RBM45: variants seen among roughly 807,000 people sequenced by gnomAD.
RBM45 encodes the protein RNA-binding protein 45.
RBM45 carries 39 observed loss-of-function variants against 58.5 expected under a neutral mutation model. The ratio of observed to expected loss-of-function variants is 0.67; its 90% CI spans 0.52 to 0.87. RBM45 has a LOEUF of 0.87. Ranked by LOEUF, RBM45 falls within the 40% of genes least tolerant of loss-of-function variation. RBM45 has a pLI of 0.00. For missense variants in RBM45, 481 were observed against 581.6 expected, an observed-to-expected ratio of 0.83 and a Z score of 1.78; for synonymous variants, 193 against 203.0, an observed-to-expected ratio of 0.95 and a Z score of 0.42.
rs1427473260 is a variant in RBM45, at chr2:178,120,347, A to G, written c.611A>G (p.Tyr204Cys). 5 of 1,613,252 alleles carry G rather than the reference A, an allele frequency of 3.1e-6. No individual in the cohort carries two copies. In the East Asian group the frequency reaches 1.1e-4, roughly 36 times the overall value. The change falls in exon 4 of 10, where the codon TAT becomes TGT. Residue 204 changes from tyrosine to cysteine, a missense_variant. Coordinates refer to ENST00000286070, the MANE Select transcript of RBM45 (RefSeq NM_152945.4). ...GCATCTGAATCCTCTGAACAAGATTATTATAGTAATATGAGGCAAGAAGCT... is the reference window on the plus strand; with the variant it reads ...GCATCTGAATCCTCTGAACAAGATTGTTATAGTAATATGAGGCAAGAAGCT... ...NKASESSEQD[Y>C]YSNMRQEALG...
intron 8 of RBM45, among the ~76,000 whole-genome samples, chr2:178,125,419 G>C (rs2087915705): frequency 6.6e-6 from 1 of 152,188 alleles, no homozygotes; most frequent in Non-Finnish European, 1.5e-5. Flanking sequence ...GAGAAGCCTT[G>C]AAAGAAGGAA....
At chr2:178,136,415 T>G (rs2088045788) in intron 3 of RBM45, 1 of 152,264 alleles carries the variant, frequency 6.6e-6, no homozygotes, top group Non-Finnish European at 1.5e-5. Context: ...TTGAGACAGC[T>G]ATTGAGAGTC....
At chr2:178,126,434 A>G (rs2087930361) in intron 9 of RBM45, among the ~76,000 whole-genome samples, 1 of 152,200 alleles carries the variant, frequency 6.6e-6, no homozygotes, top group Non-Finnish European at 1.5e-5. Flanking sequence ...TTCGATTTTA[A>G]GAATTCAACT....
At chr2:178,129,687 G>A (rs1471365736), downstream of RBM45, 3 of 152,542 alleles carry the variant, frequency 2.0e-5, no homozygotes, top group East Asian at 1.9e-4. Flanking sequence ...AGACAAGAAC[G>A]GAAAAATTTA....
chr2:178,132,200 G>A (rs1420824992), downstream of RBM45, among the ~76,000 whole-genome samples: 2 of 152,156 alleles, frequency 1.3e-5, no homozygotes, highest in Non-Finnish European at 2.9e-5. Flanking sequence ...GTAGATTACT[G>A]AAAGCAACTG....
At chr2:178,121,972 C>T (rs1364516238) in intron 5 of RBM45, among the ~76,000 whole-genome samples, 1 of 152,158 alleles carries the variant, frequency 6.6e-6, no homozygotes, top group East Asian at 1.9e-4. Context: ...TTTATTAAGG[C>T]TCTTTGTTAA....
At position 178,120,278 on chromosome 2, in the gene RBM45, T is replaced by A. The variant is rs370679752; in HGVS notation, c.551-9T>A. On this transcript the variant is annotated splice_polypyrimidine_tract_variant and intron_variant, in intron 3 of 9. Coordinates refer to ENST00000286070, the MANE Select transcript of RBM45 (RefSeq NM_152945.4). ...GCTGTGAAACTTGAAATTCATGGGG[T>A]TTTTTCAGGTTTTAGAGCAATCTTG... 66 of 1,611,584 alleles carry A rather than the reference T, an allele frequency of 4.1e-5. No individual in the cohort carries two copies. The African/African-American group carries it at 7.8e-4, about 19-fold the overall frequency.
At chr2:178,126,609 A>G (rs1350437215) in intron 9 of RBM45, among the ~76,000 whole-genome samples, 6 of 152,148 alleles carry the variant, frequency 3.9e-5, no homozygotes, top group African/African-American at 7.2e-5. Context: ...TAATGTTTTG[A>G]CTTCTCTCTA....
At chr2:178,115,395 A>G (rs924156032) in intron 1 of RBM45, among the ~76,000 whole-genome samples, 1 of 151,772 alleles carries the variant, frequency 6.6e-6, no homozygotes, top group African/African-American at 2.4e-5. Flanking sequence ...GTGTCTTTGC[A>G]TATACTTAAA....
At position 178,126,032 on chromosome 2, in the gene RBM45, G is replaced by T; in HGVS notation, c.1281G>T (p.Val427=). ...TTTACCTTGTGTCAGGAAAAAATGT[G>T]GGGTATGCCAAGTATGCCGATAGAA... ...IEVYLVSGKN[V]GYAKYADRIS... is the part of the protein sequence containing the mutation. The change falls in exon 9 of 10, where the codon GTG becomes GTT. Residue 427 remains valine (V), a synonymous_variant. Transcript: ENST00000286070. 1 of 1,613,886 alleles carries T rather than the reference G, an allele frequency of 6.2e-7. No homozygotes were observed. The highest frequency in any genetic ancestry group is 8.5e-7 in the Non-Finnish European group (1 of 1,179,884).
intron 2 of RBM45, 42 bp downstream of exon 2, chr2:178,116,426 C>T (rs769025577): frequency 7.1e-6 from 11 of 1,556,768 alleles, no homozygotes; most frequent in Non-Finnish European, 5.2e-6. Flanking sequence ...AACTCATAGT[C>T]CTGCATAGGT....
At chr2:178,114,720 C>T (rs548633328) in intron 1 of RBM45, among the ~76,000 whole-genome samples, 2 of 152,186 alleles carry the variant, frequency 1.3e-5, no homozygotes, top group African/African-American at 4.8e-5. Context: ...TCCTCCCTCT[C>T]GAGTAGCTGG....
At chr2:178,137,597 A>C (rs879831355) in exon 4 of RBM45, 1 of 151,806 alleles carries the variant, frequency 6.6e-6, no homozygotes, top group African/African-American at 2.4e-5. Context: ...CAGCCAACAA[A>C]AGATGTGCTG....
intron 5 of RBM45, among the ~76,000 whole-genome samples, chr2:178,121,662 A>G (rs538181051): frequency 1.3e-5 from 2 of 152,314 alleles, no homozygotes; most frequent in East Asian, 3.9e-4. Flanking sequence ...TTCCAGTTGC[A>G]TAACAAAAAA....
rs202174448 is a variant in RBM45 at position 178,123,661 on chromosome 2, A to G, written c.983+10A>G. ...GAAGTAATGCAACAGAGTAAGTACC[A>G]TTCCAGGAGTGTCTAAAGCCGAGCT... On this transcript the variant is annotated intron_variant, in intron 6 of 9. Transcript: ENST00000286070. 8.0e-5 allele frequency: 128 copies of G among 1,594,900 alleles called. No homozygotes were observed. In the East Asian group the frequency reaches 2.8e-3, roughly 35 times the overall value.
At chr2:178,124,633 G>A (rs2087902251) in intron 8 of RBM45, among the ~76,000 whole-genome samples, 2 of 152,058 alleles carry the variant, frequency 1.3e-5, no homozygotes, top group Admixed American at 6.6e-5. Context: ...GGGCAATATG[G>A]CAAAACCCCA....
chr2:178,135,859 A>G (rs2153907804), intron 3 of RBM45, among the ~76,000 whole-genome samples: 1 of 152,364 alleles, frequency 6.6e-6, no homozygotes, highest in South Asian at 2.1e-4. Context: ...GAAAACATTA[A>G]GTAGGAAGAA....
In RBM45 at chr2:178,125,991, G is replaced by A. The variant is rs541442403; in HGVS notation, c.1240G>A (p.Gly414Ser). 6.2e-7 allele frequency: 1 copy of A among 1,612,620 alleles called. No homozygotes were observed. Among genetic ancestry groups the A allele is most frequent in the South Asian group, 1.1e-5 (1 of 90,916 alleles). Reference sequence around the variant, plus strand: ...TTTTTCACTTTGTTTCAGTCGTTTTGGTAACCTGATCGAAGTTTACCTTGT... The same window carrying A: ...TTTTTCACTTTGTTTCAGTCGTTTTAGTAACCTGATCGAAGTTTACCTTGT... The part of the protein sequence containing the change: ...DVLEDIFCRF[G>S]NLIEVYLVSG... The change falls in exon 9 of 10, where the codon GGT (glycine) becomes AGT (serine). Residue 414 changes from glycine to serine, a missense_variant. Physicochemically the swap from Gly to Ser is moderately conservative, Grantham distance 56. Transcript: ENST00000286070.
chr2:178,115,499 T>C (rs1402413514), intron 1 of RBM45, among the ~76,000 whole-genome samples: 1 of 152,208 alleles, frequency 6.6e-6, no homozygotes, highest in Non-Finnish European at 1.5e-5. Flanking sequence ...ATAGTTGTAC[T>C]CATATGGTGC....
Sources: gnomAD v4.1 joint callset for allele counts (sites outside exome capture counted in the v4.1 genomes callset) on GRCh38, gnomAD v4.1.1 for gene constraint, MANE v1.5 for transcripts, NCBI Gene and HGNC (gene_info 2026-07-23, HGNC 2026-07-21) for gene names.